CCDC126: variants seen among roughly 807,000 people sequenced by gnomAD.
CCDC126 encodes coiled-coil domain containing 126, also known as coiled-coil domain-containing protein 126.
CCDC126 carries 5 observed loss-of-function variants against 11.7 expected under a neutral mutation model. That is an observed-to-expected ratio of 0.43 (90% CI 0.22 to 0.90). The LOEUF is 0.90. Among genes scored for constraint, CCDC126 ranks in the 40% least tolerant of loss-of-function variants. CCDC126 has a pLI of 0.27. For synonymous variants in CCDC126, 60 were observed against 61.9 expected (o/e 0.97, Z 0.14); for missense variants, 150 against 163.1 (o/e 0.92, Z 0.44).
At chr7:23,626,249 C>G (rs1054014460) in intron 3 of CCDC126, among the ~76,000 whole-genome samples, 2 of 151,890 alleles carry the variant, frequency 1.3e-5, no homozygotes, top group African/African-American at 4.8e-5. Flanking sequence ...GCCAGTTATT[C>G]TAGTTTCATT....
At chr7:23,621,274 C>G (rs1782892589) in intron 3 of CCDC126, among the ~76,000 whole-genome samples, 3 of 152,124 alleles carry the variant, frequency 2.0e-5, no homozygotes, top group African/African-American at 7.2e-5. Flanking sequence ...GTTTGTAGTT[C>G]TCCTTGAAGA....
chr7:23,643,124 A>AAT lies in CCDC126; in HGVS notation c.*10_*11dup, dbSNP rs1783395416. ...CGGGCAGTATCAGATAGCAGTTGAA[A>AAT]ATCACCTTGTGCTGCTCCATCCACT... On this transcript the variant is annotated 3_prime_UTR_variant, in exon 4 of 4. Coordinates refer to ENST00000307471, the MANE Select transcript of CCDC126 (RefSeq NM_138771.4). 6.2e-7 allele frequency: 1 copy of AAT among 1,611,268 alleles called. No homozygotes were observed. The highest frequency in any genetic ancestry group is 1.7e-5 in the Admixed American group (1 of 59,682).
At chr7:23,624,899 G>C (rs1294179147) in intron 3 of CCDC126, among the ~76,000 whole-genome samples, 1 of 152,142 alleles carries the variant, frequency 6.6e-6, no homozygotes, top group African/African-American at 2.4e-5. Context: ...CAGGAGTGTA[G>C]TGGAGTGATC....
rs1486828843 is a variant in CCDC126, at chr7:23,606,900, A to G, written c.-145-4271A>G. On this transcript the variant is annotated intron_variant, in intron 2 of 3. Coordinates refer to ENST00000307471, the MANE Select transcript of CCDC126 (RefSeq NM_138771.4). ...TGAGGCAGGAGGATCACGTGAGACC[A>G]GACTGGGCAACGTAATGAGACCCCT... 2.0e-5 allele frequency among the ~76,000 whole-genome samples: 3 copies of G among 152,200 alleles called. No individual in the cohort carries two copies. In the South Asian group the frequency reaches 6.2e-4, roughly 32 times the overall value.
intron 3 of CCDC126, among the ~76,000 whole-genome samples, chr7:23,617,348 C>CAA (rs35391703): frequency 1.3e-3 from 48 of 36,168 alleles, no homozygotes; most frequent in Non-Finnish European, 1.4e-3. Flanking sequence ...ATGCTGTCTC[C>CAA]AAAAAAAAAA....
At chr7:23,599,368 TA>T in intron 2 of CCDC126, among the ~76,000 whole-genome samples, 1 of 152,198 alleles carries the variant, frequency 6.6e-6, no homozygotes, top group Non-Finnish European at 1.5e-5. Flanking sequence ...GATGCTAGCC[TA>T]GTTGGCTTTG....
intron 2 of CCDC126, among the ~76,000 whole-genome samples, chr7:23,606,892 G>C (rs954857546): frequency 6.6e-6 from 1 of 151,886 alleles, no homozygotes; most frequent in Non-Finnish European, 1.5e-5. Context: ...GGAGGATCAC[G>C]TGAGACCAGA....
chr7:23,624,114 A>G (rs1412962856), intron 3 of CCDC126, among the ~76,000 whole-genome samples: 4 of 152,218 alleles, frequency 2.6e-5, no homozygotes, highest in Non-Finnish European at 5.9e-5. Context: ...CTGCTAAGTC[A>G]GTTACCATTC....
chr7:23,621,640 T>G (rs944461557), intron 3 of CCDC126, among the ~76,000 whole-genome samples: 297 of 152,128 alleles, frequency 2.0e-3, no homozygotes, highest in Middle Eastern at 0.01. Context: ...GTGAGAGAGG[T>G]CATCCCTGTC....
intron 2 of CCDC126, among the ~76,000 whole-genome samples, chr7:23,599,584 A>G (rs1250693238): frequency 2.0e-5 from 3 of 150,472 alleles, no homozygotes; most frequent in Non-Finnish European, 3.0e-5. Flanking sequence ...TGCAACTTCT[A>G]CCTTTTGGGT....
intron 3 of CCDC126, among the ~76,000 whole-genome samples, chr7:23,631,311 A>C (rs1783108316): frequency 6.6e-6 from 1 of 152,220 alleles, no homozygotes; most frequent in African/African-American, 2.4e-5. Flanking sequence ...TGAAAAAATG[A>C]ATATCAGGGC....
At chr7:23,641,904 A>T (rs190772857) in intron 3 of CCDC126, among the ~76,000 whole-genome samples, 44 of 152,238 alleles carry the variant, frequency 2.9e-4, no homozygotes, top group African/African-American at 1.1e-3. Flanking sequence ...TTTGCACTGG[A>T]CCCTAGGCTC....
chr7:23,600,353 G>A (rs955837018), intron 2 of CCDC126, among the ~76,000 whole-genome samples: 1 of 146,266 alleles, frequency 6.8e-6, no homozygotes, highest in Admixed American at 7.0e-5. Context: ...ATTATGGAGC[G>A]AATGGCTGTG....
At position 23,616,391 on chromosome 7, in the gene CCDC126, T is replaced by C. The variant is rs191544053; in HGVS notation, c.238+4838T>C. Among the ~76,000 whole-genome samples, 586 of 152,346 alleles carry C rather than the reference T, an allele frequency of 3.8e-3. 2 individuals are homozygous for C. Among genetic ancestry groups the C allele is most frequent in the Admixed American group, 7.7e-3 (118 of 15,298 alleles). On this transcript the variant is annotated intron_variant, in intron 3 of 3. Coordinates refer to ENST00000307471, the MANE Select transcript of CCDC126 (RefSeq NM_138771.4). ...TTGGATCTCCTATTTTCTAGAATTTTTAAGCTTCCTCTTTATTGGTTATCC... is the reference window on the plus strand; with the variant it reads ...TTGGATCTCCTATTTTCTAGAATTTCTAAGCTTCCTCTTTATTGGTTATCC...
intron 3 of CCDC126, among the ~76,000 whole-genome samples, chr7:23,614,359 C>T (rs982997733): frequency 7.9e-5 from 12 of 152,210 alleles, no homozygotes; most frequent in Non-Finnish European, 5.9e-5. Flanking sequence ...CAAGTCTTAT[C>T]ATGAGATTGC....
intron 2 of CCDC126, among the ~76,000 whole-genome samples, chr7:23,599,311 C>T (rs909127987): frequency 3.3e-5 from 5 of 152,172 alleles, no homozygotes; most frequent in African/African-American, 1.2e-4. Flanking sequence ...TCAGCTCCTT[C>T]TGCCAACTGC....
At chr7:23,617,562 T>A (rs1782816979) in intron 3 of CCDC126, among the ~76,000 whole-genome samples, 1 of 152,042 alleles carries the variant, frequency 6.6e-6, no homozygotes, top group Admixed American at 6.6e-5. Context: ...TATAGGATGA[T>A]CTGGCTGGGA....
intron 3 of CCDC126, among the ~76,000 whole-genome samples, chr7:23,637,514 G>A (rs1234661030): frequency 9.4e-5 from 6 of 63,664 alleles, no homozygotes; most frequent in East Asian, 5.5e-4. Flanking sequence ...CAGCCGCCCC[G>A]TCCGGGAGGG....
chr7:23,608,384 A>T (rs746058712), intron 2 of CCDC126, among the ~76,000 whole-genome samples: 14 of 152,194 alleles, frequency 9.2e-5, no homozygotes, highest in Non-Finnish European at 1.6e-4. Context: ...AGCTTGTTCA[A>T]CCTGCAACCC....
Sources: allele counts gnomAD v4.1 joint callset (sites outside exome capture counted in the v4.1 genomes callset), GRCh38; gene constraint gnomAD v4.1.1; transcripts MANE v1.5; gene names NCBI Gene and HGNC (gene_info 2026-07-23, HGNC 2026-07-21).